Variants in TRMT2B observed in about 807,000 individuals in gnomAD.
TRMT2B encodes tRNA methyltransferase 2B, also known as tRNA (uracil-5-)-methyltransferase homolog B.
A neutral mutation model predicts 39.7 loss-of-function variants in TRMT2B; 34 were observed. The observed-to-expected ratio is 0.86, with a 90% CI of 0.65 to 1.14. The LOEUF is 1.14. Among genes scored for constraint, TRMT2B ranks in the 50% most tolerant of loss-of-function variants. The pLI is 0.00. For synonymous variants in TRMT2B, 132 were observed against 137.3 expected, an observed-to-expected ratio of 0.96 and a Z score of 0.27; for missense variants, 318 against 377.2, an observed-to-expected ratio of 0.84 and a Z score of 1.30.
chrX:100,974,499 CGT>C, the TRMT2B span, among the ~76,000 whole-genome samples: 1 of 110,588 alleles, frequency 9.0e-6, no homozygotes, highest in Admixed American at 9.6e-5. Flanking sequence ...GGTCAGTAGG[CGT>C]GAGTTCAAAC....
intron 2 of TRMT2B, among the ~76,000 whole-genome samples, chrX:101,046,304 G>C (rs2088668630): frequency 8.9e-6 from 1 of 111,806 alleles, no homozygotes; most frequent in African/African-American, 3.2e-5. Context: ...GGAGAGTCAA[G>C]AGAGCCTGGA....
chrX:100,983,903 G>A, the TRMT2B span, among the ~76,000 whole-genome samples: 1 of 110,732 alleles, frequency 9.0e-6, no homozygotes, highest in African/African-American at 3.3e-5. Flanking sequence ...ACTCATTTTA[G>A]CAATGCTATG....
intron 4 of TRMT2B, 55 bp from the exon 5 acceptor site, chrX:101,038,106 G>C: frequency 1.1e-5 from 13 of 1,139,800 alleles, no homozygotes; most frequent in Non-Finnish European, 1.4e-5. Flanking sequence ...GGTGGCTCAC[G>C]CCTGTAATCC....
intron 13 of TRMT2B, among the ~76,000 whole-genome samples, chrX:101,012,980 C>T (rs1158571857): frequency 1.8e-5 from 2 of 110,736 alleles, no homozygotes; most frequent in Non-Finnish European, 3.8e-5. Context: ...CACCACCACA[C>T]CCAGCTAATT....
the TRMT2B span, among the ~76,000 whole-genome samples, chrX:100,977,369 CTTTTTTTTTTTTTTT>C: frequency 3.5e-5 from 2 of 56,457 alleles, no homozygotes; most frequent in South Asian, 1.2e-3. Flanking sequence ...CTACTCTCTT[CTTTTTTTTTTTTTTT>C]TTTTTTTTTT....
intron 2 of TRMT2B, among the ~76,000 whole-genome samples, chrX:101,048,507 T>C (rs961831636): frequency 3.6e-5 from 4 of 111,530 alleles, no homozygotes; most frequent in African/African-American, 6.5e-5. Flanking sequence ...TGGCACATTC[T>C]TGGCTCACCG....
At chrX:101,027,456 C>A (rs1474149759) in intron 7 of TRMT2B, among the ~76,000 whole-genome samples, 3 of 106,979 alleles carry the variant, frequency 2.8e-5, no homozygotes, top group East Asian at 5.9e-4. Context: ...ATTGGTCAGG[C>A]TGGTCTTGAT....
chrX:100,993,227 G>T, the TRMT2B span, among the ~76,000 whole-genome samples: 1 of 111,980 alleles, frequency 8.9e-6, no homozygotes, highest in Non-Finnish European at 1.9e-5. Flanking sequence ...TGGCAGAGCT[G>T]CTCCTAAAAA....
chrX:101,050,100 C>CT (rs1489345128), intron 2 of TRMT2B, among the ~76,000 whole-genome samples: 1 of 111,950 alleles, frequency 8.9e-6, no homozygotes, highest in African/African-American at 3.2e-5. Context: ...GACATTTAGA[C>CT]TTTTTTGTGA....
intron 4 of TRMT2B, among the ~76,000 whole-genome samples, chrX:101,039,264 G>A (rs2088065949): frequency 1.8e-5 from 2 of 109,606 alleles, no homozygotes; most frequent in South Asian, 7.9e-4. Flanking sequence ...TAGAGATGGG[G>A]TTTCACCATG....
chrX:101,038,647 G>C (rs2088011661), intron 4 of TRMT2B, among the ~76,000 whole-genome samples: 1 of 112,293 alleles, frequency 8.9e-6, no homozygotes, highest in African/African-American at 3.2e-5. Flanking sequence ...TTCCACAATG[G>C]AAATGTTCTG....
At chrX:101,039,055 CTTTTTGTTTTTTTATT>C (rs1337178154) in intron 4 of TRMT2B, among the ~76,000 whole-genome samples, 1 of 107,381 alleles carries the variant, frequency 9.3e-6, no homozygotes, top group Non-Finnish European at 1.9e-5. Flanking sequence ...CTGGCCTAAA[CTTTTTGTTTTTTTATT>C]TTTTTGTTTT....
chrX:101,049,169 C>T (rs2088885593), intron 2 of TRMT2B, among the ~76,000 whole-genome samples: 1 of 111,046 alleles, frequency 9.0e-6, no homozygotes, highest in South Asian at 3.8e-4. Context: ...GAGGTTATGG[C>T]CTGTGCTGGA....
At chrX:101,048,517 G>A (rs2088841964) in intron 2 of TRMT2B, among the ~76,000 whole-genome samples, 4 of 110,928 alleles carry the variant, frequency 3.6e-5, no homozygotes, top group South Asian at 7.5e-4. Flanking sequence ...TTGGCTCACC[G>A]CAACCTCCGC....
the TRMT2B span, among the ~76,000 whole-genome samples, chrX:100,989,032 TA>T: frequency 9.1e-6 from 1 of 109,460 alleles, no homozygotes; most frequent in Non-Finnish European, 1.9e-5. Context: ...AAACATCCTA[TA>T]TGTCCAACAA....
chrX:101,017,728 G>A (rs911865361), intron 13 of TRMT2B, among the ~76,000 whole-genome samples: 1 of 111,807 alleles, frequency 8.9e-6, no homozygotes, highest in African/African-American at 3.2e-5. Flanking sequence ...ATGTTTTGAT[G>A]CAATATTTTA....
Position 101,010,936 on chromosome X carries a change from T to C in TRMT2B, c.1389-229A>G, listed in dbSNP as rs144760073. 1.1e-3 allele frequency among the ~76,000 whole-genome samples: 127 copies of C among 112,155 alleles called. No individual in the cohort carries two copies. In the East Asian group the frequency reaches 0.025, roughly 23 times the overall value. On this transcript the variant is annotated intron_variant, in intron 13 of 13. Coordinates refer to ENST00000372936, the MANE Select transcript of TRMT2B (RefSeq NM_024917.6). ...GTAAACACTGCTTAATATTCATCTC[T>C]GGGTTCCCAGTATGTGGCACAGAAT... is the stretch of plus-strand genomic sequence containing the variant.
the TRMT2B span, among the ~76,000 whole-genome samples, chrX:101,001,434 C>T: frequency 1.8e-4 from 20 of 109,888 alleles, no homozygotes; most frequent in Admixed American, 4.0e-4. Flanking sequence ...GGAGGTCTCG[C>T]TATGTTGACC....
chrX:100,976,607 TGTTA>T, the TRMT2B span, among the ~76,000 whole-genome samples: 12 of 112,260 alleles, frequency 1.1e-4, no homozygotes, highest in Middle Eastern at 4.6e-3. Context: ...TTGTTGTTGT[TGTTA>T]GTTAGTTTTT....
Sources: gnomAD v4.1 joint callset for allele counts (sites outside exome capture counted in the v4.1 genomes callset) on GRCh38, gnomAD v4.1.1 for gene constraint, MANE v1.5 for transcripts, NCBI Gene and HGNC (gene_info 2026-07-23, HGNC 2026-07-21) for gene names.